CPAMD8: variants seen among roughly 807,000 people sequenced by gnomAD.
CPAMD8 encodes the protein C3 and PZP-like alpha-2-macroglobulin domain-containing protein 8.
CPAMD8 carries 146 observed loss-of-function variants against 224.7 expected under a neutral mutation model. That is an observed-to-expected ratio of 0.65 (90% CI 0.57 to 0.75). The LOEUF is 0.75. CPAMD8 is among the 30% of genes least tolerant of loss of function. The probability of loss-of-function intolerance (pLI) is 0.00; values close to 1 mark genes in which losing one functional copy is unlikely to be tolerated. For missense variants in CPAMD8, 2,301 were observed against 2,537.5 expected (o/e 0.91, Z 2.00); for synonymous variants, 966 against 1,044.6 (o/e 0.92, Z 1.45).
At chr19:16,957,641 G>T in intron 19 of CPAMD8, 2 of 598,908 alleles carry the variant, frequency 3.3e-6, no homozygotes, top group Non-Finnish European at 6.0e-6. Flanking sequence ...CAAAGCCCTT[G>T]CATTTCATAT....
intron 13 of CPAMD8, among the ~76,000 whole-genome samples, chr19:16,985,296 T>C (rs777136143): frequency 7.4e-5 from 11 of 149,158 alleles, no homozygotes; most frequent in Non-Finnish European, 1.2e-4. Flanking sequence ...GGATGAAGGG[T>C]GCATGTATGG....
intron 8 of CPAMD8, chr19:17,002,565 AG>A (rs2056362357): frequency 2.2e-6 from 1 of 455,810 alleles, no homozygotes; most frequent in Admixed American, 3.5e-5. Flanking sequence ...ATTTTCCTCA[AG>A]GGGCCTCCCC....
intron 7 of CPAMD8, among the ~76,000 whole-genome samples, chr19:17,005,413 C>T (rs1393770117): frequency 6.7e-6 from 1 of 149,702 alleles, no homozygotes; most frequent in Non-Finnish European, 1.5e-5. Flanking sequence ...CACCCCCCAA[C>T]TGAACTAGAG....
chr19:16,902,908 A>G, intron 34 of CPAMD8, 45 bp from the exon 35 acceptor site: 4 of 1,304,644 alleles, frequency 3.1e-6, no homozygotes, highest in East Asian at 4.9e-5. Flanking sequence ...TGGGCCCTCC[A>G]TAACAGGTGC....
rs758312102 is a variant in CPAMD8 at position 16,997,183 on chromosome 19, C to T, written c.1023G>A (p.Arg341=). 5.7e-6 allele frequency: 9 copies of T among 1,589,668 alleles called. No individual in the cohort carries two copies. The South Asian group carries it at 9.9e-5, about 18-fold the overall frequency. ...TGGAGTACCGGATGTCCACCAGCTG[C>T]CTCTGCACGGGGGTGGAGTCATCGA... ...VAFDDSTPVQ[R]QLVDIRYSKD... is the part of the protein sequence containing the mutation. The change falls in exon 11 of 42, where the codon AGG becomes AGA. Residue 341 remains arginine, a synonymous_variant. Transcript: ENST00000443236.
intron 16 of CPAMD8, among the ~76,000 whole-genome samples, chr19:16,975,623 G>A (rs1331290895): frequency 7.9e-5 from 12 of 152,064 alleles, no homozygotes; most frequent in Non-Finnish European, 1.0e-4. Flanking sequence ...TGGGAGGATC[G>A]TTTAAGCCCA....
In CPAMD8 at chr19:16,899,439, A is replaced by C. The variant is rs759508703; in HGVS notation, c.4848+36T>G. The C allele has an allele frequency of 1.0e-6, 1 of 978,544 alleles. No individual in the cohort carries two copies. Among genetic ancestry groups the C allele is most frequent in the Non-Finnish European group, 1.7e-6 (1 of 600,312 alleles). 60.6% of individuals were successfully genotyped at this position (978,544 alleles called of 1,614,324 possible). A position where few individuals can be genotyped will look rare whatever the true frequency, so the allele number is the denominator to read the frequency against. On this transcript the variant is annotated intron_variant, in intron 37 of 41. Coordinates refer to ENST00000443236, the MANE Select transcript of CPAMD8 (RefSeq NM_015692.5). The surrounding 1 kb of genome is among the most constrained non-coding windows in gnomAD (Gnocchi z 5.4). Reference sequence around the variant, plus strand: ...GTGCACCCTCACCAACATGCACACCAGGGAAGCCTCCTCCACCAACCCCGG... The same window carrying C: ...GTGCACCCTCACCAACATGCACACCCGGGAAGCCTCCTCCACCAACCCCGG...
intron 29 of CPAMD8, among the ~76,000 whole-genome samples, chr19:16,911,761 G>C (rs60682729): frequency 1.3e-5 from 2 of 152,028 alleles, no homozygotes; most frequent in African/African-American, 4.8e-5. Flanking sequence ...TAGCCAGGAT[G>C]GTCTCGATCT....
At chr19:16,945,776 C>G in intron 21 of CPAMD8, 97 bp from the exon 22 acceptor site, 1 of 1,108,908 alleles carries the variant, frequency 9.0e-7, no homozygotes, top group African/African-American at 1.5e-5. Flanking sequence ...TGCATGCATG[C>G]ATGTGTGTGT....
intron 20 of CPAMD8, among the ~76,000 whole-genome samples, chr19:16,951,021 C>G (rs1458301555): frequency 6.6e-6 from 1 of 152,094 alleles, no homozygotes; most frequent in African/African-American, 2.4e-5. Flanking sequence ...CAAGAGAGAG[C>G]TTTGGCCTTC....
chr19:17,016,714 C>G (rs748348234), intron 3 of CPAMD8, among the ~76,000 whole-genome samples: 1 of 151,946 alleles, frequency 6.6e-6, no homozygotes, highest in African/African-American at 2.4e-5. Context: ...GAGCTGAGAT[C>G]GTGCCACTGC....
At chr19:16,912,829 G>T (rs927166667) in intron 29 of CPAMD8, among the ~76,000 whole-genome samples, 16 of 152,126 alleles carry the variant, frequency 1.1e-4, no homozygotes, top group Admixed American at 1.0e-3. Flanking sequence ...TATGGACAAT[G>T]AGAAGATTGG....
intron 10 of CPAMD8, among the ~76,000 whole-genome samples, chr19:17,000,027 T>C (rs1435909148): frequency 1.3e-5 from 2 of 152,196 alleles, no homozygotes; most frequent in Non-Finnish European, 2.9e-5. Context: ...AGGAAACACA[T>C]CAAAATATCG....
intron 25 of CPAMD8, among the ~76,000 whole-genome samples, chr19:16,927,307 C>A (rs2053398357): frequency 6.6e-6 from 1 of 152,094 alleles, no homozygotes; most frequent in Non-Finnish European, 1.5e-5. Flanking sequence ...GCGAAAACCC[C>A]TTTCACTTGG....
chr19:16,896,758 C>T, intron 39 of CPAMD8, 93 bp from the exon 40 acceptor site: 3 of 893,704 alleles, frequency 3.4e-6, no homozygotes, highest in African/African-American at 1.8e-5. Context: ...CCCTGGGTCC[C>T]GGGCCCACTA....
At chr19:16,987,179 A>AAATATAT (rs1555784836) in intron 13 of CPAMD8, among the ~76,000 whole-genome samples, 4 of 53,922 alleles carry the variant, frequency 7.4e-5, no homozygotes, top group African/African-American at 2.1e-4. Flanking sequence ...AAAAAAAAAA[A>AAATATAT]ATATATATAT....
rs1315391248 is a variant in CPAMD8, at chr19:16,928,029, C to A, written c.3350G>T (p.Arg1117Leu). The stretch of plus-strand genomic sequence containing the variant: ...CGCACCGATGATGGAGGCGGTGGCT[C>A]GCTCAGACCCAGGGATGGCGCCGTG... ...VPHGAIPGSE[R>L]ATASIIGDVM... Residue 1117 changes from arginine to leucine, a missense_variant, in exon 25 of 42, where the codon CGA becomes CTA. Coordinates refer to ENST00000443236, the MANE Select transcript of CPAMD8 (RefSeq NM_015692.5). 1 of 1,613,014 alleles carries A rather than the reference C, an allele frequency of 6.2e-7. No individual in the cohort carries two copies. The highest frequency in any genetic ancestry group is 1.3e-5 in the African/African-American group (1 of 74,916).
At chr19:16,973,223 G>A (rs1233361896) in intron 17 of CPAMD8, among the ~76,000 whole-genome samples, 3 of 152,138 alleles carry the variant, frequency 2.0e-5, no homozygotes, top group Non-Finnish European at 2.9e-5. Context: ...TTAGCAAATA[G>A]AACTGTGGGA....
chr19:16,970,045 T>C (rs1207928667), intron 18 of CPAMD8, among the ~76,000 whole-genome samples: 1 of 146,438 alleles, frequency 6.8e-6, no homozygotes, highest in East Asian at 2.0e-4. Flanking sequence ...CCATCCTGGC[T>C]AACACAGTGA....
Sources: allele counts gnomAD v4.1 joint callset (sites outside exome capture counted in the v4.1 genomes callset), GRCh38; gene constraint gnomAD v4.1.1; non-coding constraint Gnocchi (gnomAD v3.1); transcripts MANE v1.5; gene names NCBI Gene and HGNC (gene_info 2026-07-23, HGNC 2026-07-21).